The following CHCHD6 variants were observed in gnomAD, a reference collection of about 807,000 sequenced individuals.
CHCHD6 encodes the protein MICOS complex subunit MIC25.
In CHCHD6, 28 loss-of-function variants were observed where a neutral mutation model predicts 32.3. That is an observed-to-expected ratio of 0.87 (90% CI 0.64 to 1.19). CHCHD6 has a LOEUF of 1.19. Ranked by LOEUF, CHCHD6 falls within the 50% of genes most tolerant of loss-of-function variation. The pLI is 0.00. For synonymous variants in CHCHD6, 122 were observed against 117.5 expected, an observed-to-expected ratio of 1.04 and a Z score of -0.25; for missense variants, 333 against 307.0, an observed-to-expected ratio of 1.08 and a Z score of -0.63.
At chr3:126,749,654 C>G (rs926551152) in intron 4 of CHCHD6, among the ~76,000 whole-genome samples, 2 of 152,206 alleles carry the variant, frequency 1.3e-5, no homozygotes, top group Non-Finnish European at 2.9e-5. Context: ...CCAGCCTCAG[C>G]AGCCTTGGGT....
intron 5 of CHCHD6, among the ~76,000 whole-genome samples, chr3:126,907,066 C>T (rs1181265214): frequency 6.6e-6 from 1 of 152,118 alleles, no homozygotes; most frequent in South Asian, 2.1e-4. Flanking sequence ...GGTGGAAACA[C>T]GGTCATCTGA....
At chr3:126,763,419 T>C (rs1019664091) in intron 4 of CHCHD6, among the ~76,000 whole-genome samples, 2 of 151,768 alleles carry the variant, frequency 1.3e-5, no homozygotes, top group African/African-American at 4.8e-5. Context: ...CTCAAACTTC[T>C]GGGCTCACAC....
chr3:126,912,737 C>T (rs1559918452), intron 5 of CHCHD6, among the ~76,000 whole-genome samples: 1 of 152,234 alleles, frequency 6.6e-6, no homozygotes, highest in Non-Finnish European at 1.5e-5. Flanking sequence ...AGGTGCTCTT[C>T]CCCAGGGGCT....
chr3:126,824,682 G>A (rs1576461020), intron 4 of CHCHD6, among the ~76,000 whole-genome samples: 1 of 151,522 alleles, frequency 6.6e-6, no homozygotes, highest in African/African-American at 2.4e-5. Flanking sequence ...TGCCTTACAG[G>A]TTCAATTGAT....
intron 1 of CHCHD6, among the ~76,000 whole-genome samples, chr3:126,716,440 C>T (rs1935020823): frequency 2.0e-5 from 3 of 152,038 alleles, no homozygotes; most frequent in South Asian, 2.1e-4. Context: ...TTAGGAGGGC[C>T]GCTGGTATCC....
chr3:126,914,894 G>T (rs2107590443), intron 6 of CHCHD6, 144 bp downstream of exon 6: 1 of 652,324 alleles, frequency 1.5e-6, no homozygotes, highest in East Asian at 2.7e-5. Flanking sequence ...TCTCTCACCT[G>T]GATCTGAGGT....
intron 6 of CHCHD6, among the ~76,000 whole-genome samples, chr3:126,956,157 G>A (rs115509842): frequency 0.014 from 2,150 of 152,264 alleles, 56 homozygotes; most frequent in African/African-American, 0.048. Flanking sequence ...CTCTCTCCAC[G>A]TACCTGGAGT....
At chr3:126,953,149 A>G (rs939854705) in intron 6 of CHCHD6, 8 of 985,332 alleles carry the variant, frequency 8.1e-6, no homozygotes, top group Non-Finnish European at 9.6e-6. Context: ...CACCGACCAC[A>G]CAGTGGAAAG....
intron 4 of CHCHD6, among the ~76,000 whole-genome samples, chr3:126,852,295 G>T: frequency 6.6e-6 from 1 of 152,178 alleles, no homozygotes; most frequent in East Asian, 1.9e-4. Context: ...TAGGCCCCCT[G>T]TTGTCATCTG....
At chr3:126,766,492 C>T (rs1403462282) in intron 4 of CHCHD6, 4 of 747,978 alleles carry the variant, frequency 5.3e-6, no homozygotes, top group Admixed American at 1.8e-5. Flanking sequence ...CTCGGTCTCA[C>T]TTTTGTCTCT....
intron 5 of CHCHD6, among the ~76,000 whole-genome samples, chr3:126,901,139 T>C (rs2077921246): frequency 6.6e-6 from 1 of 152,100 alleles, no homozygotes; most frequent in African/African-American, 2.4e-5. Flanking sequence ...CAGGGGCAAG[T>C]GGTGATGCAT....
At chr3:126,727,290 C>T in intron 2 of CHCHD6, 104 bp downstream of exon 2, 1 of 726,962 alleles carries the variant, frequency 1.4e-6, no homozygotes, top group Admixed American at 2.4e-5. Flanking sequence ...AGGTTGGCTT[C>T]TGGATGACGT....
At chr3:126,841,806 T>C (rs548274179) in intron 4 of CHCHD6, among the ~76,000 whole-genome samples, 1 of 152,172 alleles carries the variant, frequency 6.6e-6, no homozygotes, top group East Asian at 1.9e-4. Context: ...TCCCAGCTAC[T>C]AGGAGGCTGA....
intron 5 of CHCHD6, among the ~76,000 whole-genome samples, chr3:126,905,097 G>A (rs943071067): frequency 6.6e-6 from 1 of 152,164 alleles, no homozygotes; most frequent in Non-Finnish European, 1.5e-5. Flanking sequence ...CATCCAGAAC[G>A]AGCCAAGAAA....
At chr3:126,795,653 G>T (rs1207126481) in intron 4 of CHCHD6, among the ~76,000 whole-genome samples, 4 of 152,062 alleles carry the variant, frequency 2.6e-5, no homozygotes, top group Non-Finnish European at 5.9e-5. Flanking sequence ...AGGTTTTCTG[G>T]GTTGGTGTCA....
intron 4 of CHCHD6, among the ~76,000 whole-genome samples, chr3:126,754,684 G>T (rs769021238): frequency 6.6e-6 from 1 of 152,216 alleles, no homozygotes; most frequent in Non-Finnish European, 1.5e-5. Flanking sequence ...ATTTTTGCCA[G>T]TGTAACTGCT....
At chr3:126,905,427 T>C (rs562810348) in intron 5 of CHCHD6, among the ~76,000 whole-genome samples, 14 of 152,252 alleles carry the variant, frequency 9.2e-5, no homozygotes, top group African/African-American at 2.9e-4. Flanking sequence ...AAAGAACATC[T>C]AGAACATCAT....
At chr3:126,847,292 G>A (rs1403651300) in intron 4 of CHCHD6, among the ~76,000 whole-genome samples, 1 of 152,136 alleles carries the variant, frequency 6.6e-6, no homozygotes, top group Non-Finnish European at 1.5e-5. Context: ...GTGACTGTGA[G>A]CAGGAGTCAG....
At chr3:126,942,488 T>G (rs2078574174) in intron 6 of CHCHD6, among the ~76,000 whole-genome samples, 1 of 152,198 alleles carries the variant, frequency 6.6e-6, no homozygotes, top group South Asian at 2.1e-4. Context: ...TTCATTTATT[T>G]GGTTATGTTA....
Sources: allele counts gnomAD v4.1 joint callset (sites outside exome capture counted in the v4.1 genomes callset), GRCh38; gene constraint gnomAD v4.1.1; transcripts MANE v1.5; gene names NCBI Gene and HGNC (gene_info 2026-07-23, HGNC 2026-07-21).